Variants in ESRRG observed in about 807,000 individuals in gnomAD.
ESRRG encodes estrogen-related receptor gamma.
In ESRRG, 13 loss-of-function variants were observed where a neutral mutation model predicts 44.0. The observed-to-expected ratio is 0.30, with a 90% CI of 0.19 to 0.47. ESRRG has a LOEUF of 0.47. Among genes scored for constraint, ESRRG ranks in the 20% least tolerant of loss-of-function variants. The probability of loss-of-function intolerance (pLI) is 1.00; values close to 1 mark genes in which losing one functional copy is unlikely to be tolerated. For synonymous variants in ESRRG, 215 were observed against 214.6 expected (o/e 1.00, Z -0.02); for missense variants, 395 against 580.6 (o/e 0.68, Z 3.29).
At chr1:217,107,023 G>A (rs1220574204) in intron 1 of ESRRG, among the ~76,000 whole-genome samples, 1 of 152,148 alleles carries the variant, frequency 6.6e-6, no homozygotes, top group Non-Finnish European at 1.5e-5. Flanking sequence ...TGGATGTATG[G>A]ATTAGATTGA....
chr1:216,916,559 A>C (rs951301529), intron 2 of ESRRG, among the ~76,000 whole-genome samples: 1 of 152,208 alleles, frequency 6.6e-6, no homozygotes, highest in Non-Finnish European at 1.5e-5. Flanking sequence ...TGATACATGC[A>C]CCGCCAGGCA....
At chr1:216,689,201 T>C (rs577182063) in intron 1 of ESRRG, among the ~76,000 whole-genome samples, 1 of 152,296 alleles carries the variant, frequency 6.6e-6, no homozygotes, top group South Asian at 2.1e-4. Context: ...TGGAAATTTG[T>C]TATCTCTAAA....
At chr1:216,813,704 A>C (rs1291484087) in intron 2 of ESRRG, among the ~76,000 whole-genome samples, 1 of 152,208 alleles carries the variant, frequency 6.6e-6, no homozygotes, top group Admixed American at 6.5e-5. Flanking sequence ...AGTGAAGCTC[A>C]GACAGGTGGA....
At chr1:217,085,564 G>C in intron 1 of ESRRG, among the ~76,000 whole-genome samples, 1 of 126,718 alleles carries the variant, frequency 7.9e-6, no homozygotes, top group Admixed American at 1.0e-4. Context: ...CATCTCGGCT[G>C]ACTGCTATCT....
chr1:216,551,901 A>G (rs1255953928), intron 5 of ESRRG, among the ~76,000 whole-genome samples: 1 of 152,176 alleles, frequency 6.6e-6, no homozygotes, highest in Non-Finnish European at 1.5e-5. Context: ...TCCATCAACC[A>G]AACTCTCGGC....
chr1:216,797,225 T>C (rs925849769), intron 2 of ESRRG, among the ~76,000 whole-genome samples: 2 of 152,098 alleles, frequency 1.3e-5, no homozygotes, highest in African/African-American at 2.4e-5. Context: ...GATAGTACAT[T>C]TGCCACAAAT....
At chr1:216,892,487 C>T (rs1454374016) in intron 2 of ESRRG, among the ~76,000 whole-genome samples, 1 of 152,084 alleles carries the variant, frequency 6.6e-6, no homozygotes, top group East Asian at 1.9e-4. Flanking sequence ...AACAAAAAAT[C>T]ATATTATGGG....
chr1:216,823,465 G>T (rs17650126), intron 2 of ESRRG, among the ~76,000 whole-genome samples: 1,900 of 152,120 alleles, frequency 0.012, 16 homozygotes, highest in Non-Finnish European at 0.018. Context: ...GTATTGCAGT[G>T]GTGTGGAGAT....
At chr1:216,674,704 G>A (rs1012635551) in intron 2 of ESRRG, among the ~76,000 whole-genome samples, 1 of 150,830 alleles carries the variant, frequency 6.6e-6, no homozygotes, top group Non-Finnish European at 1.5e-5. Context: ...CCAATTCCTG[G>A]GCTCAAGCAA....
intron 2 of ESRRG, among the ~76,000 whole-genome samples, chr1:216,748,077 T>C (rs1397951242): frequency 6.6e-6 from 1 of 152,206 alleles, no homozygotes; most frequent in Non-Finnish European, 1.5e-5. Flanking sequence ...TATTGGGATG[T>C]AATTATTGAT....
chr1:216,845,017 T>A (rs777016779), intron 2 of ESRRG, among the ~76,000 whole-genome samples: 5 of 152,234 alleles, frequency 3.3e-5, no homozygotes, highest in Non-Finnish European at 5.9e-5. Context: ...GGACCCCAGA[T>A]GACTCTTATT....
intron 1 of ESRRG, among the ~76,000 whole-genome samples, chr1:216,981,260 T>C (rs976178732): frequency 2.0e-5 from 3 of 152,340 alleles, no homozygotes; most frequent in Non-Finnish European, 4.4e-5. Flanking sequence ...AATTTGTCTC[T>C]TCAACTAATT....
At chr1:216,820,581 A>C (rs932672876) in intron 2 of ESRRG, among the ~76,000 whole-genome samples, 1 of 152,050 alleles carries the variant, frequency 6.6e-6, no homozygotes, top group African/African-American at 2.4e-5. Context: ...AAAATTCAGG[A>C]GTGTTCTCAA....
At position 216,770,753 on chromosome 1, in the gene ESRRG, G is replaced by A. The variant is rs186118929; in HGVS notation, c.-13-93262C>T. Among the ~76,000 whole-genome samples, 23 of 152,100 alleles carry A rather than the reference G, an allele frequency of 1.5e-4. No homozygotes were observed. The East Asian group carries it at 4.5e-3, about 29-fold the overall frequency. ...TTCATTGTTGGATTATATTTTGTACGTAACTATTCAACATTTCCTGCCCTT... is the reference window on the plus strand; with the variant it reads ...TTCATTGTTGGATTATATTTTGTACATAACTATTCAACATTTCCTGCCCTT... On this transcript the variant is annotated intron_variant, in intron 2 of 7. Transcript: ENST00000359162.
At chr1:216,678,061 A>G (rs76645521) in intron 1 of ESRRG, among the ~76,000 whole-genome samples, 1,898 of 152,312 alleles carry the variant, frequency 0.012, 35 homozygotes, top group African/African-American at 0.043. Context: ...CGCTTCCATA[A>G]GCATAACTGT....
chr1:216,608,042 T>C (rs1346808261), intron 3 of ESRRG, among the ~76,000 whole-genome samples: 2 of 152,210 alleles, frequency 1.3e-5, no homozygotes, highest in Admixed American at 1.3e-4. Flanking sequence ...AAAATGGACT[T>C]CATAGTAATC....
rs530058586 is a variant in ESRRG, at chr1:216,695,015, T to C, written c.57-17524A>G. ...GCCCAACTATGAAGCTATTATATTA[T>C]CTTCATTTATAATGAAGATAAATCA... On this transcript the variant is annotated intron_variant, in intron 1 of 6. Coordinates refer to ENST00000408911, the MANE Select transcript of ESRRG (RefSeq NM_001438.4). Among the ~76,000 whole-genome samples, 31 of 152,254 alleles carry C rather than the reference T, an allele frequency of 2.0e-4. 1 individual carries two copies. In the South Asian group the frequency reaches 5.8e-3, roughly 28 times the overall value.
At chr1:217,104,266 C>T (rs2092559977) in intron 1 of ESRRG, among the ~76,000 whole-genome samples, 1 of 152,154 alleles carries the variant, frequency 6.6e-6, no homozygotes, top group African/African-American at 2.4e-5. Flanking sequence ...TACTCAAGGA[C>T]AGCGCTGGTA....
chr1:216,672,660 G>C (rs1346950634), intron 2 of ESRRG, among the ~76,000 whole-genome samples: 1 of 152,156 alleles, frequency 6.6e-6, no homozygotes, highest in Non-Finnish European at 1.5e-5. Flanking sequence ...TTGAGGCTAG[G>C]AGTTTGAGAC....
Sources: gnomAD v4.1 joint callset for allele counts (sites outside exome capture counted in the v4.1 genomes callset) on GRCh38, gnomAD v4.1.1 for gene constraint, MANE v1.5 for transcripts, NCBI Gene and HGNC (gene_info 2026-07-23, HGNC 2026-07-21) for gene names.